CSMD1: variants seen among roughly 807,000 people sequenced by gnomAD.
CSMD1 encodes the protein CUB and sushi domain-containing protein 1.
CSMD1 carries 213 observed loss-of-function variants against 417.5 expected under a neutral mutation model. The ratio of observed to expected loss-of-function variants is 0.51; its 90% CI spans 0.46 to 0.57. The LOEUF (loss-of-function observed/expected upper bound fraction) is 0.57. Ranked by LOEUF, CSMD1 falls within the 20% of genes least tolerant of loss-of-function variation. The pLI is 0.00. For synonymous variants in CSMD1, 2,862 were observed against 1,736.8 expected (o/e 1.65, Z -16.11); for missense variants, 6,923 against 4,529.7 (o/e 1.53, Z -15.17).
At chr8:3,330,061 G>T (rs993402491) in intron 23 of CSMD1, among the ~76,000 whole-genome samples, 1 of 152,166 alleles carries the variant, frequency 6.6e-6, no homozygotes, top group African/African-American at 2.4e-5. Flanking sequence ...GGCAGTCATG[G>T]TGTGGCCCCA....
At chr8:3,372,492 C>G (rs1264114126) in intron 18 of CSMD1, among the ~76,000 whole-genome samples, 1 of 152,114 alleles carries the variant, frequency 6.6e-6, no homozygotes, top group African/African-American at 2.4e-5. Flanking sequence ...GACCCCGAAC[C>G]AGGGCATTGG....
In CSMD1 at chr8:3,307,762, G is replaced by A. The variant is rs372106806; in HGVS notation, c.3883C>T (p.Pro1295Ser). 1 of 1,613,580 alleles carries A rather than the reference G, an allele frequency of 6.2e-7. No individual in the cohort carries two copies. Among genetic ancestry groups the A allele is most frequent in the Non-Finnish European group, 8.5e-7 (1 of 1,179,720 alleles). The change falls in exon 25 of 70, where the codon CCA becomes TCA. Residue 1295 changes from proline to serine, a missense_variant. Coordinates refer to ENST00000635120, the MANE Select transcript of CSMD1 (RefSeq NM_033225.6). The stretch of plus-strand genomic sequence containing the variant: ...TGGAGGTTGTTGTCATACGGAGCTG[G>A]ATAGCCAGGGGACAATATTCGTCCT... Reference protein sequence around the residue: ...TSGRILSPGYPAPYDNNLHCT... With the variant: ...TSGRILSPGYSAPYDNNLHCT...
In CSMD1 at chr8:3,596,341, T is replaced by A. The variant is rs138915744; in HGVS notation, c.1098-10081A>T. ...CAGCTGGAGCTAACCAGGTACAGCATGCAGGGAAGTGACATATATTACTAA... is the reference window on the plus strand; with the variant it reads ...CAGCTGGAGCTAACCAGGTACAGCAAGCAGGGAAGTGACATATATTACTAA... On this transcript the variant is annotated intron_variant, in intron 8 of 69. Coordinates refer to ENST00000635120, the MANE Select transcript of CSMD1 (RefSeq NM_033225.6). Among the ~76,000 whole-genome samples, 454 of 152,284 alleles carry A rather than the reference T, an allele frequency of 3.0e-3. 4 individuals carry two copies. The highest frequency in any genetic ancestry group is 0.011 in the African/African-American group (438 of 41,574).
At chr8:4,823,054 T>C (rs1296766457) in intron 1 of CSMD1, among the ~76,000 whole-genome samples, 3 of 152,128 alleles carry the variant, frequency 2.0e-5, no homozygotes, top group African/African-American at 4.8e-5. Context: ...AAATGCATTT[T>C]TGCCACTCTG....
At chr8:3,685,198 A>G (rs1413858640) in intron 7 of CSMD1, among the ~76,000 whole-genome samples, 2 of 152,212 alleles carry the variant, frequency 1.3e-5, no homozygotes, top group Non-Finnish European at 2.9e-5. Flanking sequence ...AAAGTTGCAA[A>G]ATTGAAGCCA....
intron 3 of CSMD1, among the ~76,000 whole-genome samples, chr8:4,117,877 C>T (rs142819840): frequency 9.7e-4 from 134 of 137,568 alleles, no homozygotes; most frequent in African/African-American, 2.7e-3. Context: ...TCAAAAACCA[C>T]AAAACAAAGT....
At chr8:3,817,413 T>C (rs1445190311) in intron 5 of CSMD1, among the ~76,000 whole-genome samples, 1 of 151,694 alleles carries the variant, frequency 6.6e-6, no homozygotes, top group African/African-American at 2.4e-5. Context: ...CCCAAGTAGC[T>C]GGGACTATAG....
At chr8:3,163,623 A>G (rs1029241956) in intron 37 of CSMD1, among the ~76,000 whole-genome samples, 26 of 152,250 alleles carry the variant, frequency 1.7e-4, no homozygotes, top group African/African-American at 6.0e-4. Context: ...AAAAGAAAAA[A>G]AAAAAAAAGC....
intron 23 of CSMD1, among the ~76,000 whole-genome samples, chr8:3,313,875 G>A (rs910582793): frequency 8.5e-5 from 13 of 152,182 alleles, no homozygotes; most frequent in Non-Finnish European, 1.6e-4. Context: ...CAACCCAAAT[G>A]TCCAACAATG....
intron 2 of CSMD1, among the ~76,000 whole-genome samples, chr8:4,523,569 T>C (rs1403269535): frequency 6.6e-6 from 1 of 152,104 alleles, no homozygotes; most frequent in East Asian, 1.9e-4. Context: ...TATGCAATTG[T>C]GGTTGCCTCA....
chr8:4,392,178 G>C (rs755298508), intron 3 of CSMD1, among the ~76,000 whole-genome samples: 1 of 152,298 alleles, frequency 6.6e-6, no homozygotes, highest in South Asian at 2.1e-4. Flanking sequence ...TTGTTTCAAC[G>C]TGCTAAGTCT....
At chr8:4,179,342 T>A (rs932191696) in intron 3 of CSMD1, among the ~76,000 whole-genome samples, 1 of 152,170 alleles carries the variant, frequency 6.6e-6, no homozygotes, top group African/African-American at 2.4e-5. Flanking sequence ...ATTCCCTATT[T>A]AATAAATGGT....
intron 3 of CSMD1, among the ~76,000 whole-genome samples, chr8:4,046,560 G>C (rs930092710): frequency 1.3e-5 from 2 of 152,066 alleles, no homozygotes; most frequent in African/African-American, 4.8e-5. Context: ...GTATAACTGT[G>C]GGCTTCCAGG....
intron 1 of CSMD1, among the ~76,000 whole-genome samples, chr8:4,732,344 C>CGTGCGTGTGTGT (rs1554461218): frequency 7.1e-6 from 1 of 141,052 alleles, no homozygotes; most frequent in Non-Finnish European, 1.5e-5. Flanking sequence ...ATTTCTTCTG[C>CGTGCGTGTGTGT]GTGTGTGTGT....
chr8:4,470,517 A>G (rs1800465850), intron 2 of CSMD1, among the ~76,000 whole-genome samples: 1 of 152,244 alleles, frequency 6.6e-6, no homozygotes, highest in Non-Finnish European at 1.5e-5. Context: ...GGAATTCCTT[A>G]CATTAAATGA....
intron 14 of CSMD1, among the ~76,000 whole-genome samples, chr8:3,407,456 G>C (rs1407454255): frequency 6.6e-6 from 1 of 152,034 alleles, no homozygotes; most frequent in African/African-American, 2.4e-5. Context: ...TGGAAAGATG[G>C]ATGGAAGAAA....
intron 65 of CSMD1, among the ~76,000 whole-genome samples, chr8:2,952,084 G>A (rs1802677227): frequency 1.3e-5 from 2 of 152,122 alleles, no homozygotes; most frequent in African/African-American, 4.8e-5. Context: ...TTAAAAATGT[G>A]TATAAAATCC....
chr8:3,802,293 C>T (rs1405670115), intron 5 of CSMD1, among the ~76,000 whole-genome samples: 1 of 152,114 alleles, frequency 6.6e-6, no homozygotes, highest in Non-Finnish European at 1.5e-5. Flanking sequence ...TATTTTTCCA[C>T]TTTAAAATAC....
intron 5 of CSMD1, among the ~76,000 whole-genome samples, chr8:3,953,062 G>T (rs927786288): frequency 6.6e-6 from 1 of 151,722 alleles, no homozygotes; most frequent in African/African-American, 2.4e-5. Flanking sequence ...GAAAAGAACA[G>T]AAAAGAAACA....
Sources: allele counts gnomAD v4.1 joint callset (sites outside exome capture counted in the v4.1 genomes callset), GRCh38; gene constraint gnomAD v4.1.1; transcripts MANE v1.5; gene names NCBI Gene and HGNC (gene_info 2026-07-23, HGNC 2026-07-21).